Variants in SGMS1 observed in about 807,000 individuals in gnomAD.
SGMS1 encodes the protein phosphatidylcholine:ceramide cholinephosphotransferase 1.
In SGMS1, 13 loss-of-function variants were observed where a neutral mutation model predicts 46.2. That is an observed-to-expected ratio of 0.28 (90% confidence interval 0.18 to 0.45). SGMS1 has a LOEUF of 0.45. Among genes scored for constraint, SGMS1 ranks in the 20% least tolerant of loss-of-function variants. SGMS1 has a pLI of 1.00. For missense variants in SGMS1, 324 were observed against 519.9 expected, an observed-to-expected ratio of 0.62 and a Z score of 3.66; for synonymous variants, 203 against 187.8, an observed-to-expected ratio of 1.08 and a Z score of -0.66.
intron 2 of SGMS1, among the ~76,000 whole-genome samples, chr10:50,579,313 G>A (rs1838413108): frequency 6.6e-6 from 1 of 152,042 alleles, no homozygotes; most frequent in South Asian, 2.1e-4. Context: ...ATATCTAACA[G>A]AATTCCAGAA....
intron 3 of SGMS1, among the ~76,000 whole-genome samples, chr10:50,509,987 TCAC>T (rs1224177073): frequency 1.3e-5 from 2 of 152,192 alleles, no homozygotes; most frequent in African/African-American, 4.8e-5. Context: ...AGTCATGTAA[TCAC>T]CACCACAATC....
intron 3 of SGMS1, among the ~76,000 whole-genome samples, chr10:50,470,829 C>A (rs1837371959): frequency 5.3e-5 from 8 of 152,230 alleles, no homozygotes; most frequent in Admixed American, 5.2e-4. Context: ...AAAAGACCAT[C>A]CATTAACTAC....
intron 3 of SGMS1, among the ~76,000 whole-genome samples, chr10:50,505,857 CG>C (rs1259391703): frequency 1.3e-4 from 20 of 152,170 alleles, no homozygotes; most frequent in African/African-American, 4.1e-4. Flanking sequence ...ACCATATCTG[CG>C]GGGGGAGAGC....
chr10:50,396,918 G>A (rs1848856208), intron 6 of SGMS1, among the ~76,000 whole-genome samples: 3 of 152,130 alleles, frequency 2.0e-5, no homozygotes, highest in Admixed American at 1.3e-4. Flanking sequence ...GTGGTGAACC[G>A]GCGGTGTTAC....
rs754412711 is a variant in SGMS1 at position 50,327,245 on chromosome 10, G to A, written c.701C>T (p.Thr234Ile). ...LYRCITMYVT[T>I]LPVPGMHFNC... The stretch of plus-strand genomic sequence containing the variant: ...GAAATGCATACCAGGTACTGGGAGT[G>A]TAGTTACATACATTGTAATACACCG... The change falls in exon 8 of 11, where the codon ACA becomes ATA. Residue 234 changes from threonine (T) to isoleucine (I), a missense_variant. Coordinates refer to ENST00000361781, the MANE Select transcript of SGMS1 (RefSeq NM_147156.4). 6.2e-7 allele frequency: 1 copy of A among 1,606,934 alleles called. No homozygotes were observed. Among genetic ancestry groups the A allele is most frequent in the South Asian group, 1.1e-5 (1 of 89,616 alleles).
intron 4 of SGMS1, among the ~76,000 whole-genome samples, chr10:50,462,827 T>G (rs561044577): frequency 6.6e-6 from 1 of 152,174 alleles, no homozygotes; most frequent in East Asian, 1.9e-4. Flanking sequence ...CGGAGATGAC[T>G]GTGGAGTCGA....
At chr10:50,568,124 C>T (rs1028866167) in intron 2 of SGMS1, among the ~76,000 whole-genome samples, 12 of 152,150 alleles carry the variant, frequency 7.9e-5, no homozygotes, top group East Asian at 5.8e-4. Flanking sequence ...ATCAAACATC[C>T]GAATCTTATA....
At chr10:50,514,141 C>T (rs1837781865) in intron 3 of SGMS1, among the ~76,000 whole-genome samples, 1 of 152,190 alleles carries the variant, frequency 6.6e-6, no homozygotes, top group East Asian at 1.9e-4. Context: ...CCTGTGCCAA[C>T]ATGTCGTTGT....
chr10:50,312,293 T>G (rs963207995), intron 8 of SGMS1, among the ~76,000 whole-genome samples: 2 of 150,354 alleles, frequency 1.3e-5, no homozygotes, highest in Admixed American at 1.3e-4. Flanking sequence ...TCAAGACTTC[T>G]GATTAAGGAT....
At chr10:50,578,527 C>T (rs896420737) in intron 2 of SGMS1, among the ~76,000 whole-genome samples, 3 of 152,124 alleles carry the variant, frequency 2.0e-5, no homozygotes, top group Admixed American at 6.5e-5. Context: ...AATAAAAGCT[C>T]TTAGCTAAGA....
intron 3 of SGMS1, among the ~76,000 whole-genome samples, chr10:50,519,495 G>A (rs1052877807): frequency 6.6e-6 from 1 of 152,168 alleles, no homozygotes; most frequent in Non-Finnish European, 1.5e-5. Flanking sequence ...TGGTTTATGT[G>A]ACTTCAAATT....
chr10:50,560,311 ATAT>A (rs1403946161), intron 2 of SGMS1, among the ~76,000 whole-genome samples: 5 of 138,882 alleles, frequency 3.6e-5, no homozygotes, highest in Non-Finnish European at 7.5e-5. Flanking sequence ...CATATATTAC[ATAT>A]TATTAATATT....
At chr10:50,478,070 C>G (rs760355960) in intron 3 of SGMS1, among the ~76,000 whole-genome samples, 1 of 152,198 alleles carries the variant, frequency 6.6e-6, no homozygotes, top group African/African-American at 2.4e-5. Context: ...CAGTCTGTTA[C>G]GTACATCAGT....
chr10:50,566,716 G>A (rs1838290993), intron 2 of SGMS1, among the ~76,000 whole-genome samples: 1 of 152,136 alleles, frequency 6.6e-6, no homozygotes, highest in South Asian at 2.1e-4. Context: ...ACACAGTACG[G>A]TGGTCCCTCA....
intron 5 of SGMS1, among the ~76,000 whole-genome samples, chr10:50,436,127 CAT>C (rs1392023891): frequency 6.6e-6 from 1 of 151,986 alleles, no homozygotes; most frequent in Non-Finnish European, 1.5e-5. Context: ...TTTTTTGAGA[CAT>C]AGTCTCGCTC....
intron 3 of SGMS1, among the ~76,000 whole-genome samples, chr10:50,513,943 T>C (rs1414397623): frequency 6.6e-6 from 1 of 152,142 alleles, no homozygotes; most frequent in African/African-American, 2.4e-5. Flanking sequence ...TGAAGAATAG[T>C]TATGAATCAA....
intron 8 of SGMS1, among the ~76,000 whole-genome samples, chr10:50,321,047 G>A (rs1448698368): frequency 2.0e-5 from 3 of 152,026 alleles, no homozygotes; most frequent in Non-Finnish European, 4.4e-5. Flanking sequence ...CTCTAGAAAC[G>A]TTGCTCAGGA....
intron 3 of SGMS1, among the ~76,000 whole-genome samples, chr10:50,488,822 T>G (rs73316672): frequency 0.028 from 4,198 of 152,168 alleles, 84 homozygotes; most frequent in East Asian, 0.059. Context: ...ATAATTGAGG[T>G]TTTTCCAACA....
chr10:50,370,591 A>G (rs1456897024), intron 6 of SGMS1, among the ~76,000 whole-genome samples: 2 of 151,980 alleles, frequency 1.3e-5, no homozygotes, highest in Non-Finnish European at 2.9e-5. Flanking sequence ...AAATACAAAA[A>G]TTAGCTGGGT....
Sources: allele counts gnomAD v4.1 joint callset (sites outside exome capture counted in the v4.1 genomes callset), GRCh38; gene constraint gnomAD v4.1.1; transcripts MANE v1.5; gene names NCBI Gene and HGNC (gene_info 2026-07-23, HGNC 2026-07-21).